Variants in GLIS3 observed in about 807,000 individuals in gnomAD.
GLIS3 encodes zinc finger protein GLIS3.
GLIS3 carries 53 observed loss-of-function variants against 78.6 expected under a neutral mutation model. The observed-to-expected ratio is 0.67, with a 90% CI of 0.54 to 0.85. GLIS3 has a LOEUF of 0.85. Among genes scored for constraint, GLIS3 ranks in the 40% least tolerant of loss-of-function variants. GLIS3 has a pLI of 0.00. For synonymous variants in GLIS3, 684 were observed against 509.9 expected (o/e 1.34, Z -4.60); for missense variants, 1,703 against 1,231.1 (o/e 1.38, Z -5.74).
chr9:4,114,408 G>C (rs1831467585), intron 4 of GLIS3, among the ~76,000 whole-genome samples: 1 of 152,122 alleles, frequency 6.6e-6, no homozygotes, highest in Non-Finnish European at 1.5e-5. Flanking sequence ...ACATGAAACA[G>C]GGGTTTGGGA....
At chr9:4,369,538 G>A in the GLIS3 span, among the ~76,000 whole-genome samples, 1 of 152,160 alleles carries the variant, frequency 6.6e-6, no homozygotes, top group Non-Finnish European at 1.5e-5. Flanking sequence ...GCCACAGGAA[G>A]AACATTAGCC....
chr9:3,863,850 C>G (rs1820396253), intron 8 of GLIS3, among the ~76,000 whole-genome samples: 1 of 151,904 alleles, frequency 6.6e-6, no homozygotes, highest in African/African-American at 2.4e-5. Flanking sequence ...CTTCGAAATG[C>G]TGAAATAGGA....
chr9:3,895,450 C>A (rs1822759677), intron 7 of GLIS3, among the ~76,000 whole-genome samples: 1 of 152,134 alleles, frequency 6.6e-6, no homozygotes, highest in Non-Finnish European at 1.5e-5. Flanking sequence ...TTGGGGAGGC[C>A]TGGGATTTTC....
intron 2 of GLIS3, among the ~76,000 whole-genome samples, chr9:4,278,939 A>C (rs1426879661): frequency 6.6e-6 from 1 of 152,216 alleles, no homozygotes; most frequent in Non-Finnish European, 1.5e-5. Context: ...ATTTAACCTG[A>C]ATCCAATCAT....
intron 4 of GLIS3, among the ~76,000 whole-genome samples, chr9:4,028,164 C>A (rs1357161230): frequency 6.6e-6 from 1 of 152,192 alleles, no homozygotes; most frequent in Non-Finnish European, 1.5e-5. Context: ...CTTCTAGGGT[C>A]CATTCCTGAC....
chr9:3,979,015 CA>C (rs1332932584), intron 4 of GLIS3, among the ~76,000 whole-genome samples: 3 of 152,072 alleles, frequency 2.0e-5, no homozygotes, highest in African/African-American at 7.2e-5. Context: ...AATCCTATAC[CA>C]TTTTATATCA....
At chr9:4,357,797 A>T in the GLIS3 span, among the ~76,000 whole-genome samples, 1 of 152,178 alleles carries the variant, frequency 6.6e-6, no homozygotes, top group Non-Finnish European at 1.5e-5. Flanking sequence ...GAATACAGGG[A>T]TCAGGGCCAC....
At chr9:4,436,810 CAA>C in the GLIS3 span, among the ~76,000 whole-genome samples, 12,744 of 51,300 alleles carry the variant, frequency 0.25, 156 homozygotes, top group Middle Eastern at 0.3. Flanking sequence ...GACTGCATCT[CAA>C]AAAAAAAAAA....
chr9:4,428,114 G>T, the GLIS3 span, among the ~76,000 whole-genome samples: 1 of 152,074 alleles, frequency 6.6e-6, no homozygotes, highest in Non-Finnish European at 1.5e-5. Context: ...GAGGCCATGG[G>T]AGTTTCAGGT....
At chr9:4,426,044 T>G in the GLIS3 span, among the ~76,000 whole-genome samples, 2 of 152,150 alleles carry the variant, frequency 1.3e-5, no homozygotes, top group Non-Finnish European at 2.9e-5. Context: ...AACACATACG[T>G]TCATGCAATG....
At chr9:4,433,398 C>G in the GLIS3 span, among the ~76,000 whole-genome samples, 1 of 152,126 alleles carries the variant, frequency 6.6e-6, no homozygotes, top group Non-Finnish European at 1.5e-5. Context: ...CACCACTTCA[C>G]TCCAGCCTAG....
At chr9:4,374,355 T>C in the GLIS3 span, among the ~76,000 whole-genome samples, 4 of 152,376 alleles carry the variant, frequency 2.6e-5, no homozygotes, top group African/African-American at 4.8e-5. Flanking sequence ...CTGCTGTGGA[T>C]ACTTTTGACT....
chr9:3,904,682 A>G (rs954541044), intron 6 of GLIS3, among the ~76,000 whole-genome samples: 17 of 152,210 alleles, frequency 1.1e-4, no homozygotes, highest in African/African-American at 4.1e-4. Flanking sequence ...TAAACACTGC[A>G]TTTCAATTAA....
intron 4 of GLIS3, among the ~76,000 whole-genome samples, chr9:4,060,150 T>C (rs1435286291): frequency 1.3e-5 from 2 of 152,034 alleles, no homozygotes; most frequent in Admixed American, 1.3e-4. Context: ...AAGCTCTGAG[T>C]TTGGACATCC....
chr9:4,298,733 T>C (rs1344234341), intron 1 of GLIS3, among the ~76,000 whole-genome samples: 2 of 152,152 alleles, frequency 1.3e-5, no homozygotes, highest in African/African-American at 2.4e-5. Context: ...CGTGTCTGGC[T>C]GTGTCTGCGT....
chr9:4,231,616 C>T (rs765202537), intron 2 of GLIS3, among the ~76,000 whole-genome samples: 20 of 152,064 alleles, frequency 1.3e-4, no homozygotes, highest in African/African-American at 2.2e-4. Flanking sequence ...AAAGGAACAA[C>T]AATTAGATGC....
At chr9:3,951,841 A>AACACACACACACACACACACAC (rs3061609) in intron 4 of GLIS3, among the ~76,000 whole-genome samples, 2 of 130,520 alleles carry the variant, frequency 1.5e-5, no homozygotes, top group Admixed American at 7.8e-5. Flanking sequence ...AATAAGCATG[A>AACACACACACACACACACACAC]ACACACACAC....
intron 2 of GLIS3, among the ~76,000 whole-genome samples, chr9:4,170,628 C>G (rs1816297073): frequency 6.6e-6 from 1 of 152,086 alleles, no homozygotes; most frequent in Non-Finnish European, 1.5e-5. Flanking sequence ...CTGTTCTGAC[C>G]CTAAAACAGT....
Position 4,031,708 on chromosome 9 carries a change from T to C in GLIS3, c.1710+86060A>G, listed in dbSNP as rs1363325035. Among the ~76,000 whole-genome samples the C allele has an allele frequency of 2.0e-5, 3 of 152,118 alleles. No homozygotes were observed. The South Asian group carries it at 6.2e-4, about 31-fold the overall frequency. On this transcript the variant is annotated intron_variant, in intron 4 of 10. Transcript: ENST00000381971. ...ACCAAAAAGATGGGGAAAAAGACAC[T>C]GCTCATAGGTACCAAAGGAAAAAAA...
Sources: allele counts gnomAD v4.1 joint callset (sites outside exome capture counted in the v4.1 genomes callset), GRCh38; gene constraint gnomAD v4.1.1; transcripts MANE v1.5; gene names NCBI Gene and HGNC (gene_info 2026-07-23, HGNC 2026-07-21).